Variants in ASL observed in about 807,000 individuals in gnomAD.
ASL encodes the protein argininosuccinase.
In ASL, 51 loss-of-function variants were observed where a neutral mutation model predicts 69.1. The ratio of observed to expected loss-of-function variants is 0.74; its 90% CI spans 0.59 to 0.93. The LOEUF (loss-of-function observed/expected upper bound fraction) is 0.93. Ranked by LOEUF, ASL falls within the 40% of genes least tolerant of loss-of-function variation. The pLI, the probability that ASL is intolerant of heterozygous loss-of-function variation, is 0.00. For synonymous variants in ASL, 241 were observed against 247.6 expected, an observed-to-expected ratio of 0.97 and a Z score of 0.25; for missense variants, 540 against 623.9, an observed-to-expected ratio of 0.87 and a Z score of 1.43.
intron 3 of ASL, 70 bp from the exon 4 acceptor site, chr7:66,082,298 C>T (rs1349488568): frequency 6.8e-7 from 1 of 1,473,612 alleles, no homozygotes; most frequent in Admixed American, 2.0e-5. Flanking sequence ...TAGGGTGGGA[C>T]CAAGGCAGGG....
In ASL at chr7:66,082,004, GC is replaced by G; in HGVS notation, c.207+9del. The G allele has an allele frequency of 6.3e-7, 1 of 1,596,844 alleles. No homozygotes were observed. The highest frequency in any genetic ancestry group is 8.5e-7 in the Non-Finnish European group (1 of 1,171,938). ...ACTCCATGGCCTAGACAAGGTACTT[GC>G]CGTGGCCCAAGCCCCACCCAAGGCC... On this transcript the variant is annotated splice_region_variant and intron_variant, in intron 3 of 16. Coordinates refer to ENST00000304874, the MANE Select transcript of ASL (RefSeq NM_000048.4).
At chr7:66,087,487 G>A in intron 9 of ASL, 101 bp downstream of exon 9, 1 of 1,421,734 alleles carries the variant, frequency 7.0e-7, no homozygotes, top group Non-Finnish European at 9.7e-7. Context: ...TGTGGCTCCT[G>A]GTGAAACCTT....
chr7:66,089,072 C>T lies in ASL; in HGVS notation c.834-19C>T. ...AGCCAAGGGTCCAGCCCCTTCAGCGCCAGCACCTCTGTCCCCAGCACGGGA... is the reference window on the plus strand; with the variant it reads ...AGCCAAGGGTCCAGCCCCTTCAGCGTCAGCACCTCTGTCCCCAGCACGGGA... On this transcript the variant is annotated intron_variant, in intron 11 of 16. Transcript: ENST00000304874. 1.2e-6 allele frequency: 2 copies of T among 1,613,768 alleles called. No individual in the cohort carries two copies. The highest frequency in any genetic ancestry group is 1.7e-6 in the Non-Finnish European group (2 of 1,179,926).
chr7:66,084,719 AC>A (rs1197513715), intron 6 of ASL, among the ~76,000 whole-genome samples: 1 of 151,984 alleles, frequency 6.6e-6, no homozygotes, highest in Non-Finnish European at 1.5e-5. Context: ...TCCCAGGTTC[AC>A]GCCATTCTCC....
At chr7:66,077,264 AC>A (rs1786373834) in intron 2 of ASL, among the ~76,000 whole-genome samples, 1 of 152,112 alleles carries the variant, frequency 6.6e-6, no homozygotes, top group Non-Finnish European at 1.5e-5. Context: ...CCCTGTCTCT[AC>A]AAAAAGATTT....
rs560196528 is a variant in ASL, at chr7:66,092,291, A to T, written c.1143+205A>T. 2.1e-3 allele frequency among the ~76,000 whole-genome samples: 324 copies of T among 152,002 alleles called. 2 individuals carry two copies. Among genetic ancestry groups the T allele is most frequent in the African/African-American group, 7.6e-3 (317 of 41,464 alleles). ...ACATGGTGAAACCCCGTCTCTTTTG[A>T]TGTAAAAATACAACAATTAGCTGGG... On this transcript the variant is annotated intron_variant, in intron 15 of 16. Coordinates refer to ENST00000304874, the MANE Select transcript of ASL (RefSeq NM_000048.4).
chr7:66,078,674 G>A (rs963012131), intron 2 of ASL, among the ~76,000 whole-genome samples: 5 of 151,196 alleles, frequency 3.3e-5, no homozygotes, highest in East Asian at 3.9e-4. Context: ...TTGCTCTGTC[G>A]CCCAAGCTGG....
At chr7:66,077,299 C>G (rs1001438679) in intron 2 of ASL, among the ~76,000 whole-genome samples, 1 of 152,108 alleles carries the variant, frequency 6.6e-6, no homozygotes, top group African/African-American at 2.4e-5. Context: ...GGTGTGGTGG[C>G]GTACACCTGT....
At chr7:66,089,549 G>T in intron 13 of ASL, 63 bp from the exon 14 acceptor site, 1 of 1,573,196 alleles carries the variant, frequency 6.4e-7, no homozygotes. Context: ...GGGGGGTGGG[G>T]CTGTGGGGAC....
intron 2 of ASL, among the ~76,000 whole-genome samples, chr7:66,079,866 C>T (rs1786450027): frequency 6.6e-6 from 1 of 152,104 alleles, no homozygotes; most frequent in Non-Finnish European, 1.5e-5. Flanking sequence ...GATCCACCCA[C>T]CTTAGCCTTC....
In ASL at chr7:66,088,846, T is replaced by C. The variant is rs183018428; in HGVS notation, c.758T>C (p.Leu253Pro). 6.2e-7 allele frequency: 1 copy of C among 1,614,038 alleles called. No individual in the cohort carries two copies. The highest frequency in any genetic ancestry group is 8.5e-7 in the Non-Finnish European group (1 of 1,180,008). The part of the protein sequence containing the change: ...LFWASLCMTH[L>P]SRMAEDLILY... ...TGGGCTTCGCTGTGCATGACCCATCTCAGCAGGATGGCCGAGGACCTCATC... is the reference window on the plus strand; with the variant it reads ...TGGGCTTCGCTGTGCATGACCCATCCCAGCAGGATGGCCGAGGACCTCATC... The change falls in exon 11 of 17, where the codon CTC becomes CCC. Residue 253 changes from leucine (L) to proline (P), a missense_variant. Coordinates refer to ENST00000304874, the MANE Select transcript of ASL (RefSeq NM_000048.4).
intron 5 of ASL, 50 bp from the exon 6 acceptor site, chr7:66,083,027 C>T (rs767711984): frequency 3.1e-6 from 5 of 1,612,224 alleles, no homozygotes; most frequent in Middle Eastern, 1.7e-4. Flanking sequence ...CCTGGCTCCT[C>T]AGGGAAGCAA....
intron 9 of ASL, 103 bp from the exon 10 acceptor site, chr7:66,087,626 G>A: frequency 1.6e-6 from 2 of 1,238,680 alleles, no homozygotes; most frequent in Non-Finnish European, 2.3e-6. Context: ...CCCCCCAGCT[G>A]TTGCCCCACC....
chr7:66,081,425 CA>C (rs1471617967), intron 2 of ASL, among the ~76,000 whole-genome samples: 1 of 151,956 alleles, frequency 6.6e-6, no homozygotes, highest in Non-Finnish European at 1.5e-5. Flanking sequence ...ACTAATGATA[CA>C]AAAATTAGCT....
chr7:66,076,085 G>A lies in ASL; in HGVS notation c.4G>A (p.Ala2Thr). 6.3e-7 allele frequency: 1 copy of A among 1,599,956 alleles called. No homozygotes were observed. Among genetic ancestry groups the A allele is most frequent in the Admixed American group, 1.7e-5 (1 of 58,364 alleles). Residue 2 changes from alanine (A) to threonine (T), a missense_variant, in exon 2 of 17, where the codon GCC (alanine) becomes ACC (threonine). Transcript: ENST00000304874. M[A>T]SESGKLWGGR... is the part of the protein sequence containing the mutation. ...GGACGACGAGGAACCGCCCAACATGGCCTCGGAGGTGAGTGGGACCTCGGG... is the reference window on the plus strand; with the variant it reads ...GGACGACGAGGAACCGCCCAACATGACCTCGGAGGTGAGTGGGACCTCGGG...
At chr7:66,092,152 T>C in intron 15 of ASL, 66 bp downstream of exon 15, 1 of 1,570,492 alleles carries the variant, frequency 6.4e-7, no homozygotes, top group South Asian at 1.1e-5. Context: ...GTGGGGGAGC[T>C]CAGGAATGGG....
At chr7:66,083,233 A>G in intron 6 of ASL, 59 bp downstream of exon 6, 2 of 1,576,250 alleles carry the variant, frequency 1.3e-6, no homozygotes, top group African/African-American at 1.3e-5. Flanking sequence ...CCTGAACAGG[A>G]GACCTAGGGG....
intron 2 of ASL, among the ~76,000 whole-genome samples, chr7:66,081,586 A>G (rs1284668685): frequency 6.6e-6 from 1 of 151,994 alleles, no homozygotes; most frequent in African/African-American, 2.4e-5. Flanking sequence ...TCTCAAAAAA[A>G]AAAAAAAAGA....
chr7:66,081,180 A>G (rs956607539), intron 2 of ASL, among the ~76,000 whole-genome samples: 6 of 152,116 alleles, frequency 3.9e-5, no homozygotes, highest in African/African-American at 7.2e-5. Flanking sequence ...GGCACCTAGC[A>G]CCTTGGTCAG....
Sources: gnomAD v4.1 joint callset for allele counts (sites outside exome capture counted in the v4.1 genomes callset) on GRCh38, gnomAD v4.1.1 for gene constraint, MANE v1.5 for transcripts, NCBI Gene and HGNC (gene_info 2026-07-23, HGNC 2026-07-21) for gene names.